PARD3B: variants seen among roughly 807,000 people sequenced by gnomAD.
PARD3B encodes par-3 family cell polarity regulator beta.
A neutral mutation model predicts 130.2 loss-of-function variants in PARD3B; 103 were observed. The observed-to-expected ratio is 0.79, with a 90% CI of 0.67 to 0.93. The LOEUF is 0.93. PARD3B is among the 40% of genes least tolerant of loss of function. The pLI is 0.00. For synonymous variants in PARD3B, 583 were observed against 553.2 expected (o/e 1.05, Z -0.76); for missense variants, 1,609 against 1,499.2 (o/e 1.07, Z -1.21).
intron 1 of PARD3B, among the ~76,000 whole-genome samples, chr2:204,571,932 G>T (rs1262934443): frequency 6.6e-6 from 1 of 152,176 alleles, no homozygotes; most frequent in African/African-American, 2.4e-5. Flanking sequence ...GACTTAAAAG[G>T]TCAATCACAG....
At chr2:204,690,319 A>G (rs1300573863) in intron 2 of PARD3B, among the ~76,000 whole-genome samples, 1 of 152,140 alleles carries the variant, frequency 6.6e-6, no homozygotes, top group Non-Finnish European at 1.5e-5. Flanking sequence ...GGCGCCTCAA[A>G]AATGTCTACT....
At chr2:204,978,688 A>G (rs550193799) in intron 3 of PARD3B, among the ~76,000 whole-genome samples, 4 of 152,258 alleles carry the variant, frequency 2.6e-5, no homozygotes, top group East Asian at 3.9e-4. Flanking sequence ...TTGGCTGTGC[A>G]TGGTGTCTCA....
chr2:204,739,874 C>A (rs1380203350), intron 2 of PARD3B, among the ~76,000 whole-genome samples: 1 of 151,496 alleles, frequency 6.6e-6, no homozygotes, highest in African/African-American at 2.4e-5. Flanking sequence ...AAGAATAAAG[C>A]TTCTCAGCTT....
At chr2:205,218,077 G>C (rs1337559677) in intron 15 of PARD3B, among the ~76,000 whole-genome samples, 3 of 151,292 alleles carry the variant, frequency 2.0e-5, no homozygotes, top group African/African-American at 7.3e-5. Flanking sequence ...ATTTTTAATA[G>C]AGGTGGGGTT....
chr2:204,558,185 C>T (rs2031058402), intron 1 of PARD3B: 1 of 152,176 alleles, frequency 6.6e-6, no homozygotes, highest in Non-Finnish European at 1.5e-5. Flanking sequence ...TGCCAAGTAT[C>T]TTCCAGATAA....
chr2:205,445,227 TAC>T (rs1276728765), intron 20 of PARD3B, among the ~76,000 whole-genome samples: 1 of 152,220 alleles, frequency 6.6e-6, no homozygotes, highest in Non-Finnish European at 1.5e-5. Flanking sequence ...CTCTGTGTTC[TAC>T]AGTCTTCTTT....
chr2:205,469,996 T>C (rs2048769466), intron 20 of PARD3B, among the ~76,000 whole-genome samples: 1 of 152,176 alleles, frequency 6.6e-6, no homozygotes, highest in African/African-American at 2.4e-5. Flanking sequence ...GATCATGCAT[T>C]TTCTTTCTTC....
intron 18 of PARD3B, among the ~76,000 whole-genome samples, chr2:205,392,816 A>C (rs2045902937): frequency 2.6e-5 from 4 of 152,228 alleles, no homozygotes. Context: ...CTACAGGCAT[A>C]GCCAAGGCAG....
chr2:204,697,538 A>C (rs1447105805), intron 2 of PARD3B, among the ~76,000 whole-genome samples: 1 of 152,146 alleles, frequency 6.6e-6, no homozygotes, highest in African/African-American at 2.4e-5. Context: ...GTATATAAGC[A>C]AGAGTGGGGC....
At chr2:205,490,305 T>A (rs2049646316) in intron 20 of PARD3B, among the ~76,000 whole-genome samples, 1 of 147,642 alleles carries the variant, frequency 6.8e-6, no homozygotes. Flanking sequence ...GATGTTCCCC[T>A]TCCTGTGTCC....
chr2:205,499,978 T>C lies in PARD3B; in HGVS notation c.3127T>C (p.Leu1043=). 4 of 1,613,876 alleles carry C rather than the reference T, an allele frequency of 2.5e-6. No homozygotes were observed. The highest frequency in any genetic ancestry group is 3.4e-6 in the Non-Finnish European group (4 of 1,179,788). The change falls in exon 21 of 23, where the codon TTA becomes CTA. Residue 1043 remains leucine (L), a synonymous_variant. Transcript: ENST00000406610. ...YYQARREGFP[L]YEDDEGRARP... ...TCAGGCTCGGAGGGAAGGTTTCCCT[T>C]TATATGAAGACGACGAAGGAAGAGC...
chr2:204,923,840 G>T (rs1308559799), intron 2 of PARD3B, among the ~76,000 whole-genome samples: 3 of 151,962 alleles, frequency 2.0e-5, no homozygotes, highest in African/African-American at 4.8e-5. Context: ...AGAGGTGATT[G>T]TGATTCACAA....
chr2:205,212,169 T>G (rs2037676451), intron 15 of PARD3B, among the ~76,000 whole-genome samples: 1 of 148,510 alleles, frequency 6.7e-6, no homozygotes, highest in South Asian at 2.2e-4. Flanking sequence ...AATATATTTG[T>G]TAATATAAAC....
intron 2 of PARD3B, among the ~76,000 whole-genome samples, chr2:204,922,798 T>C (rs932555298): frequency 6.6e-6 from 1 of 152,128 alleles, no homozygotes; most frequent in African/African-American, 2.4e-5. Context: ...AATATTACAA[T>C]GTTTGTGTCT....
chr2:204,567,001 C>A (rs1001473082), intron 1 of PARD3B, among the ~76,000 whole-genome samples: 24 of 152,112 alleles, frequency 1.6e-4, no homozygotes, highest in African/African-American at 5.3e-4. Flanking sequence ...GCCTCAGCTT[C>A]CCAAGCAGCT....
At chr2:204,982,401 C>T (rs1332363407) in intron 3 of PARD3B, among the ~76,000 whole-genome samples, 1 of 152,172 alleles carries the variant, frequency 6.6e-6, no homozygotes, top group Non-Finnish European at 1.5e-5. Flanking sequence ...ATGGGTGTGG[C>T]CTAGACCAGC....
chr2:205,457,177 C>T (rs771281658), intron 20 of PARD3B, among the ~76,000 whole-genome samples: 30 of 151,662 alleles, frequency 2.0e-4, no homozygotes, highest in Non-Finnish European at 3.4e-4. Flanking sequence ...ATAACTGTAA[C>T]GCTATTCAAA....
intron 20 of PARD3B, among the ~76,000 whole-genome samples, chr2:205,483,263 C>T (rs2049313183): frequency 6.6e-6 from 1 of 152,176 alleles, no homozygotes; most frequent in South Asian, 2.1e-4. Flanking sequence ...CTAGTCTGTA[C>T]TGAGCATTCA....
chr2:205,046,345 G>A (rs1698777597), intron 3 of PARD3B, among the ~76,000 whole-genome samples: 1 of 151,908 alleles, frequency 6.6e-6, no homozygotes, highest in Non-Finnish European at 1.5e-5. Flanking sequence ...TTGGGATGGA[G>A]GTGGAGGGAT....
Sources: gnomAD v4.1 joint callset for allele counts (sites outside exome capture counted in the v4.1 genomes callset) on GRCh38, gnomAD v4.1.1 for gene constraint, MANE v1.5 for transcripts, NCBI Gene and HGNC (gene_info 2026-07-23, HGNC 2026-07-21) for gene names.